The following KIAA1328 variants were observed in gnomAD, a reference collection of about 807,000 sequenced individuals.
KIAA1328 encodes protein hinderin.
A neutral mutation model predicts 68.1 loss-of-function variants in KIAA1328; 52 were observed. The observed-to-expected ratio is 0.76, with a 90% confidence interval of 0.61 to 0.96. The LOEUF (loss-of-function observed/expected upper bound fraction) is 0.96. KIAA1328 is among the 40% of genes least tolerant of loss of function. The pLI, the probability that KIAA1328 is intolerant of heterozygous loss-of-function variation, is 0.00. For synonymous variants in KIAA1328, 232 were observed against 239.4 expected (o/e 0.97, Z 0.28); for missense variants, 641 against 677.6 (o/e 0.95, Z 0.60).
At chr18:37,057,427 ATTT>A (rs529618213) in intron 6 of KIAA1328, among the ~76,000 whole-genome samples, 81 of 137,980 alleles carry the variant, frequency 5.9e-4, no homozygotes, top group African/African-American at 1.3e-3. Context: ...AATTGCATGA[ATTT>A]TTTTTTTTTT....
intron 8 of KIAA1328, among the ~76,000 whole-genome samples, chr18:37,169,066 TATATTACATGTATATAA>T (rs2059444741): frequency 1.3e-5 from 2 of 152,120 alleles, no homozygotes; most frequent in Admixed American, 6.5e-5. Context: ...TGCATTCACA[TATATTACATGTATATAA>T]ACATACACAT....
chr18:37,021,751 A>G (rs1433244729), intron 6 of KIAA1328, among the ~76,000 whole-genome samples: 3 of 151,120 alleles, frequency 2.0e-5, no homozygotes, highest in African/African-American at 4.8e-5. Flanking sequence ...TTTCTTGTCT[A>G]TTAAACTTTC....
chr18:37,077,673 T>C (rs943135966), intron 7 of KIAA1328, among the ~76,000 whole-genome samples: 3 of 138,130 alleles, frequency 2.2e-5, no homozygotes, highest in Admixed American at 7.2e-5. Context: ...TCACAAGCAT[T>C]CTTATACACC....
intron 9 of KIAA1328, among the ~76,000 whole-genome samples, chr18:37,206,958 C>A (rs781342876): frequency 4.1e-4 from 63 of 152,048 alleles, no homozygotes; most frequent in Non-Finnish European, 7.2e-4. Context: ...TTCCAAGCTA[C>A]ATTTTTAGAA....
At position 37,222,802 on chromosome 18, in the gene KIAA1328, T is replaced by C. The variant is rs1176493002; in HGVS notation, c.*575T>C. 1 of 991,712 alleles carries C rather than the reference T, an allele frequency of 1.0e-6. No homozygotes were observed. The highest frequency in any genetic ancestry group is 1.2e-6 in the Non-Finnish European group (1 of 834,204). 61.4% of individuals were successfully genotyped at this position (991,712 alleles called of 1,614,324 possible). The stretch of plus-strand genomic sequence containing the variant: ...AATTGTGAGTCAGTCTCAGTAGCCA[T>C]CAGCCTGGCAGCTGCCCATCCCATA... On this transcript the variant is annotated 3_prime_UTR_variant, in exon 10 of 10. Transcript: ENST00000280020.
At chr18:37,172,946 A>G in intron 8 of KIAA1328, 27 bp from the exon 9 acceptor site, 1 of 1,552,910 alleles carries the variant, frequency 6.4e-7, no homozygotes, top group Non-Finnish European at 8.8e-7. Flanking sequence ...CTGAATGCCC[A>G]AATTATTTTC....
intron 7 of KIAA1328, among the ~76,000 whole-genome samples, chr18:37,150,152 C>T (rs2058995791): frequency 6.6e-6 from 1 of 152,240 alleles, no homozygotes; most frequent in East Asian, 1.9e-4. Context: ...CCCATCAAAA[C>T]TTCACTTGCA....
chr18:36,870,299 T>C (rs1019694579), intron 4 of KIAA1328, among the ~76,000 whole-genome samples: 1 of 152,240 alleles, frequency 6.6e-6, no homozygotes, highest in African/African-American at 2.4e-5. Context: ...GAATTTGTTT[T>C]GGTAGTTTTT....
intron 9 of KIAA1328, among the ~76,000 whole-genome samples, chr18:37,212,003 A>G (rs2060326398): frequency 6.6e-6 from 1 of 152,214 alleles, no homozygotes; most frequent in Admixed American, 6.5e-5. Flanking sequence ...TTTAAGCATG[A>G]AATTGGATAG....
At chr18:37,186,823 G>A (rs1305666982) in intron 9 of KIAA1328, among the ~76,000 whole-genome samples, 2 of 152,098 alleles carry the variant, frequency 1.3e-5, no homozygotes, top group Non-Finnish European at 2.9e-5. Flanking sequence ...GGCTTTCATT[G>A]ATTTTCTTGT....
intron 9 of KIAA1328, among the ~76,000 whole-genome samples, chr18:37,188,103 CTT>C (rs1226642440): frequency 2.6e-5 from 4 of 152,172 alleles, no homozygotes; most frequent in African/African-American, 9.7e-5. Context: ...AAAGTATGGA[CTT>C]TCACTCGAAT....
chr18:37,030,127 C>T (rs2054763520), intron 6 of KIAA1328, among the ~76,000 whole-genome samples: 2 of 151,922 alleles, frequency 1.3e-5, no homozygotes, highest in Admixed American at 6.6e-5. Flanking sequence ...TTTAACAAAA[C>T]ATCTTTTATT....
intron 5 of KIAA1328, among the ~76,000 whole-genome samples, chr18:36,921,494 C>T (rs1429429859): frequency 1.3e-5 from 2 of 152,146 alleles, no homozygotes; most frequent in Non-Finnish European, 2.9e-5. Flanking sequence ...AGCTCCACCT[C>T]CCGGGTTCAC....
chr18:36,829,170 G>C lies in KIAA1328; in HGVS notation c.32G>C (p.Ser11Thr), dbSNP rs770471824. 7 of 1,532,904 alleles carry C rather than the reference G, an allele frequency of 4.6e-6. No individual in the cohort carries two copies. Among genetic ancestry groups the C allele is most frequent in the Non-Finnish European group, 6.1e-6 (7 of 1,142,372 alleles). 95.0% of individuals were successfully genotyped at this position (1,532,904 alleles called of 1,614,324 possible). Residue 11 changes from serine to threonine, a missense_variant, in exon 1 of 10, where the codon AGT (serine) becomes ACT (threonine). By Grantham distance (58) the Ser-to-Thr change is moderately conservative. Transcript: ENST00000280020. The part of the protein sequence containing the change: MADVAGPSRP[S>T]AAAFWSRDFS... Reference sequence around the variant, plus strand: ...GACGTGGCGGGCCCCTCCCGCCCCAGTGCCGCGGCGTTCTGGAGCCGGGAC... The same window carrying C: ...GACGTGGCGGGCCCCTCCCGCCCCACTGCCGCGGCGTTCTGGAGCCGGGAC...
intron 6 of KIAA1328, among the ~76,000 whole-genome samples, chr18:36,996,636 A>G (rs1034667107): frequency 6.6e-6 from 1 of 152,132 alleles, no homozygotes; most frequent in Non-Finnish European, 1.5e-5. Context: ...AAGTGAATAA[A>G]TGGGGATGAG....
chr18:36,969,268 C>T (rs1226917160), intron 6 of KIAA1328, among the ~76,000 whole-genome samples: 1 of 151,786 alleles, frequency 6.6e-6, no homozygotes, highest in Non-Finnish European at 1.5e-5. Context: ...GAAGAGGTGA[C>T]AGGAAATAGC....
chr18:36,984,633 G>T (rs1321405996), intron 6 of KIAA1328, among the ~76,000 whole-genome samples: 1 of 152,118 alleles, frequency 6.6e-6, no homozygotes, highest in Non-Finnish European at 1.5e-5. Context: ...ACTGAGAGTG[G>T]TGGCTCATTC....
chr18:36,981,761 ATTT>A (rs71168251), intron 6 of KIAA1328, among the ~76,000 whole-genome samples: 1 of 141,522 alleles, frequency 7.1e-6, no homozygotes. Context: ...TAATTGTTTG[ATTT>A]TTTTTTTTTT....
intron 7 of KIAA1328, among the ~76,000 whole-genome samples, chr18:37,067,805 G>T (rs547341109): frequency 6.6e-6 from 1 of 151,914 alleles, no homozygotes; most frequent in Non-Finnish European, 1.5e-5. Flanking sequence ...TGATCCACCC[G>T]CCTTGACCTC....
Sources: gnomAD v4.1 joint callset for allele counts (sites outside exome capture counted in the v4.1 genomes callset) on GRCh38, gnomAD v4.1.1 for gene constraint, MANE v1.5 for transcripts, NCBI Gene and HGNC (gene_info 2026-07-23, HGNC 2026-07-21) for gene names.